SGTA: variants seen among roughly 807,000 people sequenced by gnomAD.
SGTA encodes small glutamine rich tetratricopeptide repeat co-chaperone alpha, also known as small glutamine-rich tetratricopeptide repeat-containing protein alpha.
Under a neutral mutation model 44.3 loss-of-function variants are expected in SGTA, and 22 were observed. The ratio of observed to expected loss-of-function variants is 0.50; its 90% CI spans 0.36 to 0.71. The LOEUF is 0.71. Among genes scored for constraint, SGTA ranks in the 30% least tolerant of loss-of-function variants. The pLI is 0.00. For synonymous variants in SGTA, 174 were observed against 177.6 expected (o/e 0.98, Z 0.16); for missense variants, 341 against 435.9 (o/e 0.78, Z 1.94).
At chr19:2,770,686 G>C (rs1455572195) in intron 1 of SGTA, 1 of 152,748 alleles carries the variant, frequency 6.5e-6, no homozygotes, top group Non-Finnish European at 1.5e-5. Flanking sequence ...TGAGGTCGCT[G>C]TGGTGGCCCT....
intron 1 of SGTA, among the ~76,000 whole-genome samples, chr19:2,774,362 G>A (rs1269948865): frequency 2.6e-5 from 4 of 152,306 alleles, no homozygotes; most frequent in Middle Eastern, 3.4e-3. Flanking sequence ...GGCGGTGGCC[G>A]AGGGACACGG....
rs1915054202 is a variant in SGTA, at chr19:2,763,305, T to G, written c.497+348A>C. On this transcript the variant is annotated intron_variant, in intron 6 of 11. Coordinates refer to ENST00000221566, the MANE Select transcript of SGTA (RefSeq NM_003021.4). The surrounding 1 kb of genome is among the most constrained non-coding windows in gnomAD (Gnocchi z 5.8). ...ACCCTCCTGGCCTCACTCTCGGACC[T>G]GTCCTGTGTCCTTCATCATAAACCA... Among the ~76,000 whole-genome samples, 1 of 152,228 alleles carries G rather than the reference T, an allele frequency of 6.6e-6. No homozygotes were observed. Among genetic ancestry groups the G allele is most frequent in the African/African-American group, 2.4e-5 (1 of 41,458 alleles).
chr19:2,771,586 G>T (rs1915309564), intron 1 of SGTA, among the ~76,000 whole-genome samples: 1 of 151,494 alleles, frequency 6.6e-6, no homozygotes, highest in South Asian at 2.1e-4. Context: ...GGGGGGGGGG[G>T]GAGGGGTACG....
rs537068169 is a variant in SGTA at position 2,769,585 on chromosome 19, G to A, written c.-23-494C>T. 3.9e-5 allele frequency among the ~76,000 whole-genome samples: 6 copies of A among 152,104 alleles called. No homozygotes were observed. In the East Asian group the frequency reaches 1.2e-3, roughly 30 times the overall value. On this transcript the variant is annotated intron_variant, in intron 1 of 11. Transcript: ENST00000221566. ...CCTTTCCTCAATTTACCTCTTTTGT[G>A]GCATGTCAGCAAGCATTTCTTAGGT...
In SGTA at chr19:2,761,122, C is replaced by T. The variant is rs71339133; in HGVS notation, c.699+338G>A. On this transcript the variant is annotated intron_variant, in intron 8 of 11. Transcript: ENST00000221566. The surrounding 1 kb of genome is among the most constrained non-coding windows in gnomAD (Gnocchi z 5.7). ...GTGTCTCTGCACTGCGAGGAGGAGC[C>T]CACGCCAGGGTGGGGTGGGGGTGTG... 2.2e-3 allele frequency among the ~76,000 whole-genome samples: 338 copies of T among 152,322 alleles called. 1 individual carries two copies. The highest frequency in any genetic ancestry group is 3.5e-3 in the Non-Finnish European group (239 of 68,020).
intron 1 of SGTA, among the ~76,000 whole-genome samples, chr19:2,779,591 G>A (rs894753869): frequency 3.9e-5 from 6 of 152,228 alleles, no homozygotes; most frequent in African/African-American, 1.4e-4. Context: ...GGGCTTTATG[G>A]ATGCTCAGGA....
At chr19:2,757,070 A>G (rs1599495017) in intron 11 of SGTA, among the ~76,000 whole-genome samples, 1 of 151,994 alleles carries the variant, frequency 6.6e-6, no homozygotes, top group Admixed American at 6.6e-5. Context: ...CCTAATCTCC[A>G]CCCAGCGCCG....
At chr19:2,772,401 C>T (rs1253427246) in intron 1 of SGTA, among the ~76,000 whole-genome samples, 1 of 152,262 alleles carries the variant, frequency 6.6e-6, no homozygotes, top group Non-Finnish European at 1.5e-5. Context: ...ACCCAGCACC[C>T]AGGAGGCCAC....
intron 9 of SGTA, among the ~76,000 whole-genome samples, chr19:2,758,346 T>C (rs758578668): frequency 3.9e-5 from 6 of 152,072 alleles, no homozygotes; most frequent in Non-Finnish European, 5.9e-5. Flanking sequence ...CTGGCCAACA[T>C]GGTGAAACCC....
At chr19:2,760,415 G>A (rs1914951484) in intron 8 of SGTA, among the ~76,000 whole-genome samples, 1 of 150,546 alleles carries the variant, frequency 6.6e-6, no homozygotes, top group East Asian at 2.0e-4. Flanking sequence ...CTACTCGGGA[G>A]GCTGACGCAG....
At chr19:2,780,233 C>CTT (rs1242033052) in intron 1 of SGTA, among the ~76,000 whole-genome samples, 2 of 152,176 alleles carry the variant, frequency 1.3e-5, no homozygotes. Flanking sequence ...CGCTCTTACC[C>CTT]ACTACCTTCT....
intron 1 of SGTA, among the ~76,000 whole-genome samples, chr19:2,769,865 G>T (rs1201538496): frequency 3.6e-5 from 3 of 84,156 alleles, no homozygotes; most frequent in South Asian, 8.7e-4. Flanking sequence ...GCGGACACCA[G>T]CCTGGTTCCC....
At chr19:2,759,014 G>A (rs1324227958) in intron 9 of SGTA, among the ~76,000 whole-genome samples, 1 of 152,098 alleles carries the variant, frequency 6.6e-6, no homozygotes, top group Non-Finnish European at 1.5e-5. Flanking sequence ...GGGGGAAGGG[G>A]CTTCTTTCGG....
intron 1 of SGTA, among the ~76,000 whole-genome samples, chr19:2,775,955 C>G (rs573613921): frequency 1.2e-4 from 18 of 152,256 alleles, no homozygotes; most frequent in Non-Finnish European, 1.5e-4. Flanking sequence ...AGTTTTCCGC[C>G]CCCATCTCAG....
At chr19:2,778,324 T>A (rs773923028) in intron 1 of SGTA, among the ~76,000 whole-genome samples, 2 of 152,150 alleles carry the variant, frequency 1.3e-5, no homozygotes, top group Non-Finnish European at 2.9e-5. Context: ...TGTTTCCTTC[T>A]CTCTTAAACT....
At chr19:2,759,557 C>T in intron 8 of SGTA, 1 of 499,154 alleles carries the variant, frequency 2.0e-6, no homozygotes, top group Admixed American at 3.8e-5. Flanking sequence ...CGCTCTCTCA[C>T]TGGCTGCTGC....
chr19:2,778,945 C>G (rs1915508070), intron 1 of SGTA, among the ~76,000 whole-genome samples: 1 of 152,052 alleles, frequency 6.6e-6, no homozygotes, highest in Non-Finnish European at 1.5e-5. Context: ...AATTTTTTTC[C>G]CAAATAATTA....
intron 2 of SGTA, 133 bp downstream of exon 2, chr19:2,768,836 G>GC (rs1915220759): frequency 1.5e-6 from 1 of 684,972 alleles, no homozygotes; most frequent in Non-Finnish European, 2.5e-6. Context: ...GCAGACCCCT[G>GC]CCCTCTCTGG....
At chr19:2,781,288 G>A (rs986756929) in intron 1 of SGTA, among the ~76,000 whole-genome samples, 3 of 152,180 alleles carry the variant, frequency 2.0e-5, no homozygotes, top group Non-Finnish European at 4.4e-5. Flanking sequence ...AATCCTTGGC[G>A]TGCTTACAGC....
Sources: gnomAD v4.1 joint callset for allele counts (sites outside exome capture counted in the v4.1 genomes callset) on GRCh38, gnomAD v4.1.1 for gene constraint, Gnocchi (gnomAD v3.1) non-coding constraint, MANE v1.5 for transcripts, NCBI Gene and HGNC (gene_info 2026-07-23, HGNC 2026-07-21) for gene names.